LRRC8D: variants seen among roughly 807,000 people sequenced by gnomAD.
LRRC8D encodes the protein leucine rich repeat containing 8 VRAC subunit D.
Under a neutral mutation model 55.8 loss-of-function variants are expected in LRRC8D, and 20 were observed. The ratio of observed to expected loss-of-function variants is 0.36; its 90% CI spans 0.25 to 0.52. The LOEUF (loss-of-function observed/expected upper bound fraction) is 0.52. LRRC8D is among the 20% of genes least tolerant of loss of function. LRRC8D has a pLI of 0.93. For synonymous variants in LRRC8D, 352 were observed against 377.0 expected, an observed-to-expected ratio of 0.93 and a Z score of 0.77; for missense variants, 651 against 1,030.8, an observed-to-expected ratio of 0.63 and a Z score of 5.05.
At chr1:89,918,792 G>A (rs1570889778) in intron 2 of LRRC8D, among the ~76,000 whole-genome samples, 1 of 152,170 alleles carries the variant, frequency 6.6e-6, no homozygotes, top group African/African-American at 2.4e-5. Flanking sequence ...TGCCCAGCTG[G>A]ACATTGAAAA....
intron 2 of LRRC8D, among the ~76,000 whole-genome samples, chr1:89,883,721 A>T (rs1662339519): frequency 6.6e-6 from 1 of 152,220 alleles, no homozygotes; most frequent in Non-Finnish European, 1.5e-5. Flanking sequence ...AGAACATCTA[A>T]CATGTTGTTC....
intron 2 of LRRC8D, among the ~76,000 whole-genome samples, chr1:89,856,634 CT>C (rs1661559468): frequency 2.0e-5 from 3 of 152,192 alleles, no homozygotes; most frequent in African/African-American, 7.2e-5. Context: ...CTGCTATGAT[CT>C]TAGCTTCCTT....
At chr1:89,908,915 A>C (rs1320081066) in intron 2 of LRRC8D, among the ~76,000 whole-genome samples, 1 of 152,126 alleles carries the variant, frequency 6.6e-6, no homozygotes, top group Non-Finnish European at 1.5e-5. Flanking sequence ...TAAAGGGTAG[A>C]ATGCTTTATT....
chr1:89,889,680 G>A (rs542056243), intron 2 of LRRC8D, among the ~76,000 whole-genome samples: 1 of 151,366 alleles, frequency 6.6e-6, no homozygotes. Flanking sequence ...TCAGGGGTTC[G>A]AGACCAGCCT....
chr1:89,850,131 C>T (rs927927317), intron 2 of LRRC8D, among the ~76,000 whole-genome samples: 3 of 152,132 alleles, frequency 2.0e-5, no homozygotes, highest in Non-Finnish European at 4.4e-5. Flanking sequence ...CACTATTTGC[C>T]AACTAGTACA....
chr1:89,904,630 G>A (rs1406158192), intron 2 of LRRC8D, among the ~76,000 whole-genome samples: 1 of 152,162 alleles, frequency 6.6e-6, no homozygotes, highest in Non-Finnish European at 1.5e-5. Flanking sequence ...CACTGCACAG[G>A]TATTAGGACC....
chr1:89,833,355 G>A (rs1660930167), intron 1 of LRRC8D, among the ~76,000 whole-genome samples: 1 of 152,228 alleles, frequency 6.6e-6, no homozygotes, highest in Non-Finnish European at 1.5e-5. Flanking sequence ...TACAAAGGCT[G>A]TAGTTGGAGC....
chr1:89,929,479 G>A (rs538071312), intron 2 of LRRC8D, among the ~76,000 whole-genome samples: 5 of 152,298 alleles, frequency 3.3e-5, no homozygotes, highest in Admixed American at 1.3e-4. Context: ...AAGACTGGCA[G>A]CAGAAAGACC....
At chr1:89,838,514 C>T (rs935032177) in intron 1 of LRRC8D, among the ~76,000 whole-genome samples, 1 of 152,220 alleles carries the variant, frequency 6.6e-6, no homozygotes, top group Non-Finnish European at 1.5e-5. Context: ...AGTATTTCAT[C>T]TATGTAATAC....
At chr1:89,896,971 G>T (rs1285562513) in intron 2 of LRRC8D, among the ~76,000 whole-genome samples, 3 of 152,206 alleles carry the variant, frequency 2.0e-5, no homozygotes, top group Non-Finnish European at 4.4e-5. Context: ...GAAAGGTGTG[G>T]TGGTTCAGTT....
chr1:89,890,956 A>G (rs1322007249), intron 2 of LRRC8D, among the ~76,000 whole-genome samples: 2 of 152,196 alleles, frequency 1.3e-5, no homozygotes, highest in Non-Finnish European at 2.9e-5. Flanking sequence ...ATTTCGGCAC[A>G]CTGCAAGCTC....
At chr1:89,854,789 A>T (rs562325765) in intron 2 of LRRC8D, among the ~76,000 whole-genome samples, 1 of 152,222 alleles carries the variant, frequency 6.6e-6, no homozygotes. Context: ...AGTTGACAGC[A>T]TGAACAGCAG....
intron 2 of LRRC8D, among the ~76,000 whole-genome samples, chr1:89,902,011 C>A (rs985259422): frequency 2.0e-5 from 3 of 152,214 alleles, no homozygotes; most frequent in African/African-American, 4.8e-5. Flanking sequence ...TAACACATTT[C>A]TCTATAGCAC....
At chr1:89,844,988 ACT>A (rs1182721384) in intron 2 of LRRC8D, among the ~76,000 whole-genome samples, 1 of 152,100 alleles carries the variant, frequency 6.6e-6, no homozygotes, top group Non-Finnish European at 1.5e-5. Context: ...GGAAAGTGAG[ACT>A]CTGCCAAAGA....
intron 2 of LRRC8D, among the ~76,000 whole-genome samples, chr1:89,918,323 TG>T (rs1184900248): frequency 1.3e-5 from 2 of 152,270 alleles, no homozygotes; most frequent in Admixed American, 6.5e-5. Flanking sequence ...TACCATGTGC[TG>T]GGCACTTGCT....
rs1663855279 is a variant in LRRC8D, at chr1:89,936,313, A to G, written c.*668A>G. 1 of 167,082 alleles carries G rather than the reference A, an allele frequency of 6.0e-6. No individual in the cohort carries two copies. Among genetic ancestry groups the G allele is most frequent in the Non-Finnish European group, 1.5e-5 (1 of 68,122 alleles). 10.3% of individuals were successfully genotyped at this position (167,082 alleles called of 1,614,324 possible). A position where few individuals can be genotyped will look rare whatever the true frequency, so the allele number is the denominator to read the frequency against. On this transcript the variant is annotated 3_prime_UTR_variant, in exon 3 of 3. Transcript: ENST00000337338. ...AGTAACAAGAAATAACACATTTCTTAATAATAGCTTTTTTGACATAGTTTG... is the reference window on the plus strand; with the variant it reads ...AGTAACAAGAAATAACACATTTCTTGATAATAGCTTTTTTGACATAGTTTG...
At chr1:89,867,158 C>T (rs187206548) in intron 2 of LRRC8D, among the ~76,000 whole-genome samples, 187 of 152,296 alleles carry the variant, frequency 1.2e-3, no homozygotes, top group African/African-American at 4.4e-3. Context: ...CCCCAGTTAA[C>T]ATCATTCTCC....
At chr1:89,898,627 T>G (rs1447333076) in intron 2 of LRRC8D, among the ~76,000 whole-genome samples, 3 of 152,160 alleles carry the variant, frequency 2.0e-5, no homozygotes, top group African/African-American at 7.2e-5. Context: ...ATCGGTTAAT[T>G]TCATAGACTG....
chr1:89,919,106 G>C (rs990336009), intron 2 of LRRC8D, among the ~76,000 whole-genome samples: 4 of 152,220 alleles, frequency 2.6e-5, no homozygotes, highest in African/African-American at 9.7e-5. Context: ...GTCTGACTTT[G>C]CATTCATTTC....
Sources: allele counts gnomAD v4.1 joint callset (sites outside exome capture counted in the v4.1 genomes callset), GRCh38; gene constraint gnomAD v4.1.1; transcripts MANE v1.5; gene names NCBI Gene and HGNC (gene_info 2026-07-23, HGNC 2026-07-21).